AHDC1: variants seen among roughly 807,000 people sequenced by gnomAD.
AHDC1 encodes AT-hook DNA binding motif containing 1.
In AHDC1, 7 loss-of-function variants were observed where a neutral mutation model predicts 87.9. The observed-to-expected ratio is 0.08, with a 90% CI of 0.05 to 0.15. The LOEUF (loss-of-function observed/expected upper bound fraction) is 0.15, where lower values mean the gene tolerates loss of function less well. Ranked by LOEUF, AHDC1 falls within the 10% of genes least tolerant of loss-of-function variation. The pLI is 1.00. For synonymous variants in AHDC1, 1,051 were observed against 1,006.8 expected (o/e 1.04, Z -0.83); for missense variants, 1,841 against 2,253.2 (o/e 0.82, Z 3.70).
chr1:27,597,124 G>C (rs1437152726), intron 3 of AHDC1, among the ~76,000 whole-genome samples: 1 of 152,152 alleles, frequency 6.6e-6, no homozygotes, highest in East Asian at 1.9e-4. Flanking sequence ...TCCCCACCTT[G>C]CCAGCCGGGT....
intron 8 of AHDC1, among the ~76,000 whole-genome samples, chr1:27,543,064 C>T (rs1244912978): frequency 2.0e-5 from 3 of 152,346 alleles, no homozygotes; most frequent in Non-Finnish European, 4.4e-5. Flanking sequence ...CTGGTCCAGG[C>T]CCGGGCATGC....
At position 27,547,530 on chromosome 1, in the gene AHDC1, C is replaced by T. The variant is rs754657004; in HGVS notation, c.4586G>A (p.Arg1529His). 53 of 1,610,772 alleles carry T rather than the reference C, an allele frequency of 3.3e-5. No homozygotes were observed. Among genetic ancestry groups the T allele is most frequent in the Non-Finnish European group, 4.1e-5 (48 of 1,178,630 alleles). ...GCCAGCAGCGGCTGCAGCAGGGCCACGGGGTGGGCCAGGGGGCCGGGCCAT... is the reference window on the plus strand; with the variant it reads ...GCCAGCAGCGGCTGCAGCAGGGCCATGGGGTGGGCCAGGGGGCCGGGCCAT... ...LEMARPPGPP[R>H]GPAAAAAGYG... The change falls in exon 8 of 9, where the codon CGT (arginine) becomes CAT (histidine). Residue 1529 changes from arginine (R) to histidine (H), a missense_variant. Arg to His is a conservative substitution (Grantham distance 29). Around this residue, in one of 13 missense-constraint regions of AHDC1, gnomAD observed 505 missense variants for 626.2 expected, o/e 0.81. Coordinates refer to ENST00000673934, the MANE Select transcript of AHDC1 (RefSeq NM_001371928.1). This position sits in a 1 kb window ranked among gnomAD's most constrained non-coding sequence, Gnocchi z 4.9.
rs563131490 is a variant in AHDC1, at chr1:27,560,894, GGT to G, written c.-628-2013_-628-2012del. 2.6e-5 allele frequency among the ~76,000 whole-genome samples: 4 copies of G among 151,686 alleles called. No individual in the cohort carries two copies. ...GCATGTGAGATACCCTTTGTGAGAC[GGT>G]GTGTGTGTGTCTGTGTCACTGTGTT... On this transcript the variant is annotated intron_variant, in intron 3 of 8. Coordinates refer to ENST00000673934, the MANE Select transcript of AHDC1 (RefSeq NM_001371928.1). This position sits in a 1 kb window ranked among gnomAD's most constrained non-coding sequence, Gnocchi z 4.1.
rs1389979581 is a variant in AHDC1, at chr1:27,595,308, G to C, written c.-629+8089C>G. On this transcript the variant is annotated intron_variant, in intron 3 of 8. Transcript: ENST00000673934. The surrounding 1 kb of genome is among the most constrained non-coding windows in gnomAD (Gnocchi z 4.0). Reference sequence around the variant, plus strand: ...AGCTGGGAGAAACGTTGGGGGCTGTGGGCAGAGTGTGTGTGTCTGGGGAGG... The same window carrying C: ...AGCTGGGAGAAACGTTGGGGGCTGTCGGCAGAGTGTGTGTGTCTGGGGAGG... Among the ~76,000 whole-genome samples, 1 of 151,952 alleles carries C rather than the reference G, an allele frequency of 6.6e-6. No homozygotes were observed. Among genetic ancestry groups the C allele is most frequent in the African/African-American group, 2.4e-5 (1 of 41,322 alleles).
At chr1:27,583,659 G>C (rs1486286000) in intron 3 of AHDC1, among the ~76,000 whole-genome samples, 1 of 152,084 alleles carries the variant, frequency 6.6e-6, no homozygotes, top group Admixed American at 6.5e-5. Context: ...CAGGTTTAAA[G>C]CTTTGTGACT....
chr1:27,589,888 C>A (rs962125646), intron 3 of AHDC1, among the ~76,000 whole-genome samples: 2 of 152,092 alleles, frequency 1.3e-5, no homozygotes, highest in African/African-American at 4.8e-5. Flanking sequence ...GCACCGGCCC[C>A]CACCCAGGCC....
rs1287311533 is a variant in AHDC1, at chr1:27,565,054, G to A, written c.-628-6171C>T. Among the ~76,000 whole-genome samples, 2 of 152,210 alleles carry A rather than the reference G, an allele frequency of 1.3e-5. No homozygotes were observed. The highest frequency in any genetic ancestry group is 1.3e-4 in the Admixed American group (2 of 15,286). Reference sequence around the variant, plus strand: ...TGGAGCTGGGGGGCCCTGGGGGACTGAGTAAAGCGTGGCGACAGATGGCCT... The same window carrying A: ...TGGAGCTGGGGGGCCCTGGGGGACTAAGTAAAGCGTGGCGACAGATGGCCT... On this transcript the variant is annotated intron_variant, in intron 3 of 8. Coordinates refer to ENST00000673934, the MANE Select transcript of AHDC1 (RefSeq NM_001371928.1). This position sits in a 1 kb window ranked among gnomAD's most constrained non-coding sequence, Gnocchi z 4.6.
At chr1:27,568,577 G>A (rs1207158558) in intron 3 of AHDC1, among the ~76,000 whole-genome samples, 1 of 152,130 alleles carries the variant, frequency 6.6e-6, no homozygotes, top group Non-Finnish European at 1.5e-5. Flanking sequence ...CACCAGGAGC[G>A]GTGCCCGCGA....
In AHDC1 at chr1:27,561,175, A is replaced by T. The variant is rs533457755; in HGVS notation, c.-628-2292T>A. Reference sequence around the variant, plus strand: ...CACCTTTGCAGCTCCCCAGAGGCCCAGGAGGAAGGAAAAGATGGAAATCTG... The same window carrying T: ...CACCTTTGCAGCTCCCCAGAGGCCCTGGAGGAAGGAAAAGATGGAAATCTG... On this transcript the variant is annotated intron_variant, in intron 3 of 8. Coordinates refer to ENST00000673934, the MANE Select transcript of AHDC1 (RefSeq NM_001371928.1). This position sits in a 1 kb window ranked among gnomAD's most constrained non-coding sequence, Gnocchi z 4.2. Among the ~76,000 whole-genome samples, 105 of 152,286 alleles carry T rather than the reference A, an allele frequency of 6.9e-4. No homozygotes were observed. Among genetic ancestry groups the T allele is most frequent in the African/African-American group, 2.4e-3 (99 of 41,552 alleles).
chr1:27,575,169 T>G (rs983516171), intron 3 of AHDC1, among the ~76,000 whole-genome samples: 1 of 151,796 alleles, frequency 6.6e-6, no homozygotes, highest in Admixed American at 6.6e-5. Context: ...CGCCTCCGAG[T>G]TTTCCCGCCG....
intron 8 of AHDC1, among the ~76,000 whole-genome samples, chr1:27,537,199 C>T (rs975673799): frequency 6.6e-6 from 1 of 152,130 alleles, no homozygotes; most frequent in African/African-American, 2.4e-5. Context: ...CTGACCTCAC[C>T]AGGTTCAGCT....
At position 27,534,823 on chromosome 1, in the gene AHDC1, G is replaced by T. The variant is rs1219547432; in HGVS notation, c.*137C>A. 1 of 146,438 alleles carries T rather than the reference G, an allele frequency of 6.8e-6. No homozygotes were observed. The highest frequency in any genetic ancestry group is 1.5e-5 in the Non-Finnish European group (1 of 66,584). The allele number at this position is 146,438 out of a possible 1,614,324, so 9.1% of individuals were successfully genotyped here. ...GTGGAGGGAGATGGGTCTGCAGGGG[G>T]TGTAGGGGGCAGGGTGGGAGGCAGA... On this transcript the variant is annotated 3_prime_UTR_variant, in exon 9 of 9. Coordinates refer to ENST00000673934, the MANE Select transcript of AHDC1 (RefSeq NM_001371928.1).
At chr1:27,539,142 T>TC (rs1169010502) in intron 8 of AHDC1, among the ~76,000 whole-genome samples, 2 of 149,390 alleles carry the variant, frequency 1.3e-5, no homozygotes, top group African/African-American at 4.9e-5. Context: ...TCTTTTCTTT[T>TC]TTTTTTTTTT....
Position 27,549,590 on chromosome 1 carries a change from C to T in AHDC1, c.2526G>A (p.Ser842=), listed in dbSNP as rs201297739. The change falls in exon 8 of 9, where the codon TCG becomes TCA. Residue 842 remains serine (S), a synonymous_variant. Transcript: ENST00000673934. ...CGGAGGAGTCATCCGAATCGAGCAGCGAGCGAAAGTAGCCGGTGAAGAGGT... is the reference window on the plus strand; with the variant it reads ...CGGAGGAGTCATCCGAATCGAGCAGTGAGCGAAAGTAGCCGGTGAAGAGGT... ...RQNLFTGYFR[S]LLDSDDSSDL... is the part of the protein sequence containing the mutation. 73 of 1,613,128 alleles carry T rather than the reference C, an allele frequency of 4.5e-5. No homozygotes were observed. In the South Asian group the frequency reaches 5.9e-4, roughly 13 times the overall value.
At chr1:27,594,036 CT>C (rs2148482073) in intron 3 of AHDC1, among the ~76,000 whole-genome samples, 1 of 152,278 alleles carries the variant, frequency 6.6e-6, no homozygotes, top group South Asian at 2.1e-4. Flanking sequence ...CAGAGCCCCC[CT>C]ATCTCCCCAG....
chr1:27,553,387 A>T (rs1052734049), intron 5 of AHDC1: 3 of 152,258 alleles, frequency 2.0e-5, no homozygotes, highest in Non-Finnish European at 2.9e-5. Flanking sequence ...CTCATTAGTT[A>T]TAAAGTACCT....
rs2019476419 is a variant in AHDC1, at chr1:27,550,456, G to T, written c.1660C>A (p.Leu554Met). ...KRKRGRPPKN[L>M]LLGPGKPKEP... Reference sequence around the variant, plus strand: ...TTGGGCTTGCCGGGACCCAGCAGCAGGTTCTTAGGAGGGCGGCCGCGCTTA... The same window carrying T: ...TTGGGCTTGCCGGGACCCAGCAGCATGTTCTTAGGAGGGCGGCCGCGCTTA... The change falls in exon 8 of 9, where the codon CTG becomes ATG. Residue 554 changes from leucine (L) to methionine (M), a missense_variant. This residue lies in a region of AHDC1 where 84 missense variants were observed against 111.7 expected (regional missense o/e 0.75). Transcript: ENST00000673934. The T allele has an allele frequency of 1.9e-6, 3 of 1,607,152 alleles. No individual in the cohort carries two copies. The highest frequency in any genetic ancestry group is 1.3e-5 in the African/African-American group (1 of 74,728).
At chr1:27,575,212 A>G (rs2088681384) in intron 3 of AHDC1, among the ~76,000 whole-genome samples, 1 of 152,118 alleles carries the variant, frequency 6.6e-6, no homozygotes, top group Admixed American at 6.5e-5. Flanking sequence ...CTGGCAGGCT[A>G]AGCTGCCCAC....
Position 27,593,496 on chromosome 1 carries a change from AG to A in AHDC1, c.-629+9900del, listed in dbSNP as rs2089284798. On this transcript the variant is annotated intron_variant, in intron 3 of 8. Transcript: ENST00000673934. The surrounding 1 kb of genome is among the most constrained non-coding windows in gnomAD (Gnocchi z 4.9). Reference sequence around the variant, plus strand: ...CTCAGGGCGTAGCCGTGTGTCCCTCAGAACCCTAAGACCCAGGCCCTGGCCC... The same window carrying A: ...CTCAGGGCGTAGCCGTGTGTCCCTCAAACCCTAAGACCCAGGCCCTGGCCC... Among the ~76,000 whole-genome samples, 1 of 152,196 alleles carries A rather than the reference AG, an allele frequency of 6.6e-6. No individual in the cohort carries two copies. Among genetic ancestry groups the A allele is most frequent in the Non-Finnish European group, 1.5e-5 (1 of 68,028 alleles).
Sources: gnomAD v4.1 joint callset for allele counts (sites outside exome capture counted in the v4.1 genomes callset) on GRCh38, gnomAD v4.1.1 for gene constraint, gnomAD v4.1.1 regional missense constraint, Gnocchi (gnomAD v3.1) non-coding constraint, MANE v1.5 for transcripts, NCBI Gene and HGNC (gene_info 2026-07-23, HGNC 2026-07-21) for gene names.